ZP2: variants seen among roughly 807,000 people sequenced by gnomAD.
ZP2 encodes zona pellucida sperm-binding protein 2.
ZP2 carries 51 observed loss-of-function variants against 84.0 expected under a neutral mutation model. The observed-to-expected ratio is 0.61, with a 90% confidence interval of 0.49 to 0.77. ZP2 has a LOEUF of 0.77. ZP2 is among the 30% of genes least tolerant of loss of function. The pLI is 0.00. For synonymous variants in ZP2, 375 were observed against 330.9 expected (o/e 1.13, Z -1.45); for missense variants, 909 against 911.9 (o/e 1.00, Z 0.04).
chr16:21,197,909 C>A (rs967857481), intron 17 of ZP2, 60 bp from the exon 18 acceptor site: 3 of 1,535,544 alleles, frequency 2.0e-6, no homozygotes, highest in African/African-American at 1.4e-5. Flanking sequence ...GGTTAGCTGT[C>A]CCCTGAGGGT....
intron 4 of ZP2, 103 bp from the exon 5 acceptor site, chr16:21,207,093 A>G (rs187203331): frequency 7.3e-7 from 1 of 1,377,106 alleles, no homozygotes; most frequent in Non-Finnish European, 1.0e-6. Context: ...TAAAGTTACT[A>G]ATACCACAAG....
In ZP2 at chr16:21,207,623, A is replaced by C. The variant is rs192231560; in HGVS notation, c.331-633T>G. Among the ~76,000 whole-genome samples the C allele has an allele frequency of 2.7e-3, 396 of 148,152 alleles. 1 individual carries two copies. The highest frequency in any genetic ancestry group is 4.2e-3 in the Non-Finnish European group (282 of 67,220). On this transcript the variant is annotated intron_variant, in intron 4 of 18. Transcript: ENST00000574091. ...CAACATGGTGAGAGACTCCATCTCT[A>C]TATATATATTAAACACACACACACA...
upstream of ZP2, among the ~76,000 whole-genome samples, chr16:21,212,765 G>C (rs1298809438): frequency 1.3e-5 from 2 of 152,178 alleles, no homozygotes; most frequent in African/African-American, 4.8e-5. Flanking sequence ...TAATAAGAAT[G>C]TTATATTGTT....
At chr16:21,211,281 A>G (rs998653307) in intron 2 of ZP2, 26 bp downstream of exon 2, 1 of 1,607,226 alleles carries the variant, frequency 6.2e-7, no homozygotes, top group African/African-American at 1.3e-5. Context: ...TCTGCTAAGA[A>G]GACTTCTGTC....
chr16:21,213,208 C>T (rs2093281224), upstream of ZP2, among the ~76,000 whole-genome samples: 2 of 152,088 alleles, frequency 1.3e-5, no homozygotes, highest in South Asian at 4.2e-4. Flanking sequence ...CCAAGCCCAG[C>T]TAATTTTTGT....
Position 21,205,540 on chromosome 16 carries a change from A to G in ZP2, c.573T>C (p.Gly191=). ...QMGWSIEVGD[G]ARAKTLTLPE... ...GCAGGGTCAGAGTTTTGGCTCTTGC[A>G]CCATCACCAACCTCAATGCTCCATC... The change falls in exon 7 of 19, where the codon GGT becomes GGC. Residue 191 remains glycine (G), a synonymous_variant. Coordinates refer to ENST00000574091, the MANE Select transcript of ZP2 (RefSeq NM_001376232.1). 6.2e-7 allele frequency: 1 copy of G among 1,614,102 alleles called. No individual in the cohort carries two copies. Among genetic ancestry groups the G allele is most frequent in the Non-Finnish European group, 8.5e-7 (1 of 1,180,002 alleles).
At position 21,206,832 on chromosome 16, in the gene ZP2, A is replaced by G; in HGVS notation, c.483+6T>C. On this transcript the variant is annotated splice_donor_region_variant and intron_variant, in intron 5 of 18. Coordinates refer to ENST00000574091, the MANE Select transcript of ZP2 (RefSeq NM_001376232.1). ...ATACCCCGAGCAGTCAGCCCGTTTC[A>G]CTCACAGACATGAAATCCTTCTGGC... 6.2e-7 allele frequency: 1 copy of G among 1,614,062 alleles called. No homozygotes were observed.
intron 2 of ZP2, 38 bp from the exon 3 acceptor site, chr16:21,210,230 T>C (rs778965390): frequency 6.5e-7 from 1 of 1,527,610 alleles, no homozygotes; most frequent in Non-Finnish European, 9.1e-7. Flanking sequence ...CTTTGAGTCA[T>C]GAGTGATGCA....
chr16:21,204,225 C>A lies in ZP2; in HGVS notation c.791-14G>T. The A allele has an allele frequency of 1.2e-6, 2 of 1,614,056 alleles. No homozygotes were observed. Among genetic ancestry groups the A allele is most frequent in the Non-Finnish European group, 1.7e-6 (2 of 1,179,974 alleles). ...AGGTCACAGGATCTAGAAGGAATGA[C>A]AACAGAATGCCCATTACCAGCCTTG... is the stretch of plus-strand genomic sequence containing the variant. On this transcript the variant is annotated splice_polypyrimidine_tract_variant and intron_variant, in intron 8 of 18. Coordinates refer to ENST00000574091, the MANE Select transcript of ZP2 (RefSeq NM_001376232.1).
At position 21,206,101 on chromosome 16, in the gene ZP2, G is replaced by A. The variant is rs533959156; in HGVS notation, c.484-326C>T. 1.5e-3 allele frequency: 502 copies of A among 345,184 alleles called. 2 individuals are homozygous for A. Among genetic ancestry groups the A allele is most frequent in the Middle Eastern group, 2.8e-3 (3 of 1,062 alleles). 21.4% of individuals were successfully genotyped at this position (345,184 alleles called of 1,614,324 possible). A position where few individuals can be genotyped will look rare whatever the true frequency, so the allele number is the denominator to read the frequency against. ...CAACCTCCGTCTCCTGGGTTCAAGC[G>A]ATTCTCCTGCCCCAGCCTCCCAAGT... On this transcript the variant is annotated intron_variant, in intron 5 of 18. Transcript: ENST00000574091.
intron 4 of ZP2, 48 bp downstream of exon 4, chr16:21,209,583 T>C (rs531790896): frequency 1.3e-6 from 2 of 1,557,332 alleles, no homozygotes; most frequent in African/African-American, 1.4e-5. Flanking sequence ...CCAGTAACTC[T>C]TAGGTTACTA....
At chr16:21,207,673 CA>C (rs1400864002) in intron 4 of ZP2, among the ~76,000 whole-genome samples, 56 of 86,780 alleles carry the variant, frequency 6.5e-4, no homozygotes, top group African/African-American at 2.6e-3. Context: ...CACACACACA[CA>C]CACACACCAC....
In ZP2 at chr16:21,201,759, G is replaced by A; in HGVS notation, c.1451C>T (p.Pro484Leu). Residue 484 changes from proline (P) to leucine (L), a missense_variant, in exon 13 of 19, where the codon CCA (proline) becomes CTA (leucine). By Grantham distance (98) the Pro-to-Leu change is moderately conservative. Transcript: ENST00000574091. ...TGGACCCAACTTCACTGAGGCCACT[G>A]GAGGAGTAAGGCTTTCAACGTTGAT... ...LNINVESLTPPVASVKLGPFT... is the reference protein window; with the variant it reads ...LNINVESLTPLVASVKLGPFT... 1 of 1,614,112 alleles carries A rather than the reference G, an allele frequency of 6.2e-7. No individual in the cohort carries two copies.
intron 7 of ZP2, among the ~76,000 whole-genome samples, chr16:21,204,621 G>A (rs919052968): frequency 1.3e-5 from 2 of 152,146 alleles, no homozygotes; most frequent in Non-Finnish European, 2.9e-5. Context: ...ATCACCTGTA[G>A]CCAATGACTT....
At chr16:21,203,334 A>G in intron 9 of ZP2, 83 bp from the exon 10 acceptor site, 2 of 1,571,136 alleles carry the variant, frequency 1.3e-6, no homozygotes, top group Non-Finnish European at 1.7e-6. Context: ...AAGTCCACTA[A>G]ATACTTGCAG....
At chr16:21,210,839 T>C (rs932853087) in intron 2 of ZP2, among the ~76,000 whole-genome samples, 2 of 151,932 alleles carry the variant, frequency 1.3e-5, no homozygotes, top group African/African-American at 4.8e-5. Flanking sequence ...CTTCCCAAAG[T>C]TCTGGGATTA....
chr16:21,204,168 T>C lies in ZP2; in HGVS notation c.834A>G (p.Pro278=). The C allele has an allele frequency of 1.2e-6, 2 of 1,614,176 alleles. No individual in the cohort carries two copies. Among genetic ancestry groups the C allele is most frequent in the East Asian group, 2.2e-5 (1 of 44,886 alleles). The change falls in exon 9 of 19, where the codon CCA becomes CCG. Residue 278 remains proline, a synonymous_variant. Coordinates refer to ENST00000574091, the MANE Select transcript of ZP2 (RefSeq NM_001376232.1). The part of the protein sequence containing the change: ...CNATHMTLTI[P]EFPGKLKSVS... ...CAGACTTAAGCTTCCCAGGAAACTC[T>C]GGTATGGTGAGAGTCATGTGTGTGG... is the stretch of plus-strand genomic sequence containing the variant.
At chr16:21,203,402 C>CT in intron 9 of ZP2, 151 bp from the exon 10 acceptor site, 3 of 997,380 alleles carry the variant, frequency 3.0e-6, no homozygotes, top group East Asian at 5.1e-5. Flanking sequence ...GACCCTATCA[C>CT]TTCCTCAGAT....
At chr16:21,203,806 G>T (rs751915701) in intron 9 of ZP2, 1 of 591,156 alleles carries the variant, frequency 1.7e-6, no homozygotes, top group Non-Finnish European at 3.0e-6. Context: ...AGACTTAGAC[G>T]ATTTTTCATG....
Sources: gnomAD v4.1 joint callset for allele counts (sites outside exome capture counted in the v4.1 genomes callset) on GRCh38, gnomAD v4.1.1 for gene constraint, MANE v1.5 for transcripts, NCBI Gene and HGNC (gene_info 2026-07-23, HGNC 2026-07-21) for gene names.